Variants in MAGEB10 observed in about 807,000 individuals in gnomAD.
MAGEB10 encodes the protein MAGE family member B10, also known as melanoma-associated antigen B10.
For synonymous variants in MAGEB10, 99 were observed against 101.0 expected, an observed-to-expected ratio of 0.98 and a Z score of 0.12; for missense variants, 190 against 261.9, an observed-to-expected ratio of 0.73 and a Z score of 1.89.
intron 1 of MAGEB10, among the ~76,000 whole-genome samples, chrX:27,809,674 C>T (rs1222243142): frequency 5.8e-5 from 5 of 86,633 alleles, no homozygotes; most frequent in Middle Eastern, 5.7e-3. Context: ...CTGAGGACTG[C>T]GGGCGCATGG....
chrX:27,821,823 C>T lies in MAGEB10; in HGVS notation c.517C>T (p.Pro173Ser). The change falls in exon 3 of 3, where the codon CCT (proline) becomes TCT (serine). Residue 173 changes from proline (P) to serine (S), a missense_variant. Coordinates refer to ENST00000356790, the MANE Select transcript of MAGEB10 (RefSeq NM_182506.3). ...TGGTCTTGACCTGAAGGAAGTGGAG[C>T]CTAATAAGCACATCTATGTCCTTGT... ...IFGLDLKEVEPNKHIYVLVNK... is the reference protein window; with the variant it reads ...IFGLDLKEVESNKHIYVLVNK... 1.7e-6 allele frequency: 2 copies of T among 1,211,481 alleles called. No homozygotes were observed. The highest frequency in any genetic ancestry group is 1.1e-6 in the Non-Finnish European group (1 of 895,511).
rs1413645008 is a variant in MAGEB10, at chrX:27,818,540, T to C, written c.-50+838T>C. Among the ~76,000 whole-genome samples the C allele has an allele frequency of 3.6e-5, 4 of 112,191 alleles. No homozygotes were observed. The East Asian group carries it at 1.1e-3, about 32-fold the overall frequency. On this transcript the variant is annotated intron_variant, in intron 2 of 2. Coordinates refer to ENST00000356790, the MANE Select transcript of MAGEB10 (RefSeq NM_182506.3). The stretch of plus-strand genomic sequence containing the variant: ...GTAACTAAAAGGCTGAGCGTGCATA[T>C]GCCTTTAAACAAGGATCCAGATGTT...
At chrX:27,809,622 C>T (rs1407845736) in intron 1 of MAGEB10, among the ~76,000 whole-genome samples, 2 of 58,083 alleles carry the variant, frequency 3.4e-5, no homozygotes, top group Non-Finnish European at 6.3e-5. Flanking sequence ...ACGAGCGCCG[C>T]CCCCCGCTCT....
chrX:27,819,324 T>C (rs764591823), intron 2 of MAGEB10, among the ~76,000 whole-genome samples: 1 of 111,247 alleles, frequency 9.0e-6, no homozygotes, highest in South Asian at 3.9e-4. Flanking sequence ...GCTGCACCCC[T>C]GCTCTCAGCA....
chrX:27,812,362 A>G, intron 1 of MAGEB10: 1 of 141,835 alleles, frequency 7.1e-6, no homozygotes, highest in Middle Eastern at 1.1e-3. Flanking sequence ...GATCACCTGG[A>G]GTTGGTCTTT....
At chrX:27,812,679 A>C in intron 1 of MAGEB10, 1 of 346,426 alleles carries the variant, frequency 2.9e-6, no homozygotes, top group South Asian at 2.9e-5. Context: ...GCCCAACAGC[A>C]GTCCTCCAAG....
At chrX:27,817,928 G>A (rs1361327531) in intron 2 of MAGEB10, among the ~76,000 whole-genome samples, 1 of 111,305 alleles carries the variant, frequency 9.0e-6, no homozygotes, top group East Asian at 2.8e-4. Flanking sequence ...GAGATCATAA[G>A]CTAAACAAAG....
intron 1 of MAGEB10, among the ~76,000 whole-genome samples, chrX:27,810,326 C>T (rs1021130685): frequency 9.0e-6 from 1 of 111,715 alleles, no homozygotes; most frequent in Non-Finnish European, 1.9e-5. Flanking sequence ...CGAACACATC[C>T]GAACATTAGA....
At chrX:27,817,281 A>G (rs1399838075) in intron 1 of MAGEB10, among the ~76,000 whole-genome samples, 2 of 110,356 alleles carry the variant, frequency 1.8e-5, no homozygotes, top group Non-Finnish European at 3.8e-5. Flanking sequence ...TATTATTTAA[A>G]TATTTTAATT....
chrX:27,812,794 C>A, intron 1 of MAGEB10: 1 of 343,422 alleles, frequency 2.9e-6, no homozygotes, highest in Non-Finnish European at 5.8e-6. Context: ...GCCTTCCCAT[C>A]CCATTATGAA....
chrX:27,817,920 G>T (rs1283816421), intron 2 of MAGEB10, among the ~76,000 whole-genome samples: 1 of 111,440 alleles, frequency 9.0e-6, no homozygotes, highest in African/African-American at 3.3e-5. Flanking sequence ...CCACGAGAGA[G>T]ATCATAAGCT....
intron 1 of MAGEB10, among the ~76,000 whole-genome samples, chrX:27,811,212 A>G (rs1335209907): frequency 9.1e-6 from 1 of 110,414 alleles, no homozygotes; most frequent in Non-Finnish European, 1.9e-5. Flanking sequence ...CCTCCCTAAT[A>G]TCTTTATCAG....
intron 1 of MAGEB10, chrX:27,812,328 C>T: frequency 6.5e-6 from 1 of 152,914 alleles, no homozygotes. Flanking sequence ...GAGCCTCTTC[C>T]CTGAGATCCT....
rs376333177 is a variant in MAGEB10, at chrX:27,821,919, A to T, written c.613A>T (p.Met205Leu). The change falls in exon 3 of 3, where the codon ATG becomes TTG. Residue 205 changes from methionine to leucine, a missense_variant. Coordinates refer to ENST00000356790, the MANE Select transcript of MAGEB10 (RefSeq NM_182506.3). ...AGGCGTGCCCAAGACTGGCCTGCTG[A>T]TGACTGTCCTGGGTATTATCTTCAC... is the stretch of plus-strand genomic sequence containing the variant. ...ETGVPKTGLL[M>L]TVLGIIFTNG... 2 of 1,210,084 alleles carry T rather than the reference A, an allele frequency of 1.7e-6. No homozygotes were observed. The highest frequency in any genetic ancestry group is 3.5e-5 in the African/African-American group (2 of 57,147).
chrX:27,815,523 T>C (rs184723626), intron 1 of MAGEB10, among the ~76,000 whole-genome samples: 1 of 111,925 alleles, frequency 8.9e-6, no homozygotes, highest in East Asian at 2.8e-4. Flanking sequence ...CAGATGAAGT[T>C]AGAAAGAGAG....
chrX:27,809,634 C>T (rs765669991), intron 1 of MAGEB10, among the ~76,000 whole-genome samples: 44 of 68,057 alleles, frequency 6.5e-4, no homozygotes, highest in African/African-American at 2.3e-3. Context: ...CCCCGCTCTG[C>T]GGTGCCCAGT....
chrX:27,809,285 G>GT (rs1923608156), intron 1 of MAGEB10, among the ~76,000 whole-genome samples: 1 of 108,235 alleles, frequency 9.2e-6, no homozygotes, highest in African/African-American at 3.4e-5. Flanking sequence ...ACCTGGGCCA[G>GT]TAGTTGCTGT....
At chrX:27,815,134 C>G (rs1923759751) in intron 1 of MAGEB10, among the ~76,000 whole-genome samples, 1 of 111,729 alleles carries the variant, frequency 9.0e-6, no homozygotes, top group African/African-American at 3.3e-5. Flanking sequence ...TGAGTCAGCC[C>G]CTGTGAGTCC....
rs1343136856 is a variant in MAGEB10, at chrX:27,821,551, A to G, written c.245A>G (p.His82Arg). The G allele has an allele frequency of 8.3e-7, 1 of 1,210,213 alleles. No individual in the cohort carries two copies. Among genetic ancestry groups the G allele is most frequent in the Non-Finnish European group, 1.1e-6 (1 of 894,753 alleles). Residue 82 changes from histidine (H) to arginine (R), a missense_variant, in exon 3 of 3, where the codon CAT becomes CGT. Physicochemically the swap from His to Arg is conservative, Grantham distance 29. Transcript: ENST00000356790. ...TSATAASHTR[H>R]PEGVNDQMEE... The stretch of plus-strand genomic sequence containing the variant: ...GCTACAGCTGCTTCACACACAAGAC[A>G]TCCCGAAGGAGTCAACGACCAAATG...
Sources: allele counts gnomAD v4.1 joint callset (sites outside exome capture counted in the v4.1 genomes callset), GRCh38; gene constraint gnomAD v4.1.1; transcripts MANE v1.5; gene names NCBI Gene and HGNC (gene_info 2026-07-23, HGNC 2026-07-21).